The following NEK1 variants were observed in gnomAD, a reference collection of about 807,000 sequenced individuals.
NEK1 encodes the protein NIMA related kinase 1, also known as serine/threonine-protein kinase Nek1.
In NEK1, 137 loss-of-function variants were observed where a neutral mutation model predicts 182.1. The ratio of observed to expected loss-of-function variants is 0.75; its 90% confidence interval spans 0.65 to 0.87. The LOEUF (loss-of-function observed/expected upper bound fraction) is 0.87, where lower values mean the gene tolerates loss of function less well. NEK1 is among the 40% of genes least tolerant of loss of function. The probability of loss-of-function intolerance (pLI) is 0.00; values close to 1 mark genes in which losing one functional copy is unlikely to be tolerated. For synonymous variants in NEK1, 513 were observed against 492.2 expected, an observed-to-expected ratio of 1.04 and a Z score of -0.56; for missense variants, 1,391 against 1,494.4, an observed-to-expected ratio of 0.93 and a Z score of 1.14.
intron 31 of NEK1, among the ~76,000 whole-genome samples, chr4:169,417,001 T>C (rs1003301413): frequency 6.6e-6 from 1 of 151,970 alleles, no homozygotes; most frequent in African/African-American, 2.4e-5. Flanking sequence ...TATATTAGAG[T>C]TTCCTGTATG....
At chr4:169,497,172 A>AT (rs1751481461) in intron 23 of NEK1, among the ~76,000 whole-genome samples, 1 of 151,940 alleles carries the variant, frequency 6.6e-6, no homozygotes, top group Non-Finnish European at 1.5e-5. Flanking sequence ...TTTCTTCTAG[A>AT]TTTTCTAGTT....
At chr4:169,602,489 G>A in intron 3 of NEK1, 25 bp downstream of exon 3, 2 of 1,267,678 alleles carry the variant, frequency 1.6e-6, no homozygotes, top group South Asian at 2.5e-5. Flanking sequence ...CATTACTCAT[G>A]AAACCAAACT....
At chr4:169,567,519 G>A (rs974936111) in intron 12 of NEK1, among the ~76,000 whole-genome samples, 2 of 151,932 alleles carry the variant, frequency 1.3e-5, no homozygotes, top group Non-Finnish European at 2.9e-5. Context: ...TTCTGCCTCA[G>A]TCTCAAAAGT....
intron 26 of NEK1, among the ~76,000 whole-genome samples, chr4:169,469,008 CTTCT>C (rs952451203): frequency 2.0e-5 from 3 of 151,794 alleles, no homozygotes; most frequent in African/African-American, 7.2e-5. Context: ...TTCTTCTTTT[CTTCT>C]TTATTAGTCT....
chr4:169,426,072 C>A, intron 30 of NEK1, 74 bp downstream of exon 30: 1 of 1,081,664 alleles, frequency 9.2e-7, no homozygotes, highest in Non-Finnish European at 1.4e-6. Context: ...ATATATTACC[C>A]AAATAAAACA....
chr4:169,508,768 C>A lies in NEK1; in HGVS notation c.1749+1G>T, dbSNP rs1444140675. On this transcript the variant is annotated splice_donor_variant, in intron 20 of 35. Transcript: ENST00000507142. LOFTEE classifies it high-confidence loss of function. Reference sequence around the variant, plus strand: ...AGGTAGCGAACATGCGGGAAGCATACCTCTTCCTCTTTGTTTCTTGGCTTC... The same window carrying A: ...AGGTAGCGAACATGCGGGAAGCATAACTCTTCCTCTTTGTTTCTTGGCTTC... 1 of 1,571,678 alleles carries A rather than the reference C, an allele frequency of 6.4e-7. No individual in the cohort carries two copies. Among genetic ancestry groups the A allele is most frequent in the East Asian group, 2.3e-5 (1 of 44,236 alleles).
chr4:169,402,618 C>A (rs1024362979), intron 32 of NEK1, among the ~76,000 whole-genome samples: 4 of 152,042 alleles, frequency 2.6e-5, no homozygotes, highest in African/African-American at 9.7e-5. Flanking sequence ...CAAATAATAC[C>A]TTACATTTAT....
intron 18 of NEK1, among the ~76,000 whole-genome samples, chr4:169,541,678 C>A (rs1328546212): frequency 6.6e-6 from 1 of 152,090 alleles, no homozygotes; most frequent in African/African-American, 2.4e-5. Context: ...AGAAAATGTC[C>A]TATAATGCCA....
chr4:169,532,342 G>A (rs1757805393), intron 19 of NEK1, among the ~76,000 whole-genome samples: 1 of 152,126 alleles, frequency 6.6e-6, no homozygotes, highest in African/African-American at 2.4e-5. Context: ...GCACTTAAAA[G>A]TAGCTCCTCT....
chr4:169,585,174 G>A (rs1011686841), intron 10 of NEK1, among the ~76,000 whole-genome samples, 175 bp downstream of exon 10: 3 of 152,092 alleles, frequency 2.0e-5, no homozygotes, highest in Admixed American at 1.3e-4. Flanking sequence ...GCACAACAGA[G>A]CAATACTCTG....
At chr4:169,436,142 G>A (rs543849425) in intron 28 of NEK1, among the ~76,000 whole-genome samples, 2 of 152,308 alleles carry the variant, frequency 1.3e-5, no homozygotes. Context: ...GGGCTCAAGC[G>A]ATATGCCAGC....
chr4:169,575,688 G>A (rs1432243184), intron 12 of NEK1, among the ~76,000 whole-genome samples: 4 of 152,150 alleles, frequency 2.6e-5, no homozygotes, highest in Admixed American at 1.3e-4. Context: ...AGGCAGTTTC[G>A]CAGGGAGTTT....
chr4:169,444,198 GAAAGA>G (rs555492983), intron 27 of NEK1, among the ~76,000 whole-genome samples: 152 of 152,030 alleles, frequency 1.0e-3, no homozygotes, highest in African/African-American at 3.2e-3. Flanking sequence ...CAATAAAAGA[GAAAGA>G]AAAGAACAAC....
intron 19 of NEK1, 41 bp from the exon 20 acceptor site, chr4:169,508,893 G>C: frequency 4.1e-6 from 6 of 1,460,142 alleles, no homozygotes; most frequent in Non-Finnish European, 5.6e-6. Context: ...GAATGACTAA[G>C]GCTACATTAT....
Position 169,463,237 on chromosome 4 carries a change from C to G in NEK1, c.2587+6G>C. 6.7e-7 allele frequency: 1 copy of G among 1,485,702 alleles called. No homozygotes were observed. Among genetic ancestry groups the G allele is most frequent in the Non-Finnish European group, 9.0e-7 (1 of 1,113,318 alleles). The allele number at this position is 1,485,702 out of a possible 1,614,324, so 92.0% of individuals were successfully genotyped here. ...TAGTATAGAAAAACTACCAGTTTCT[C>G]CTTACCACTTCTAATAGTTGTATTT... On this transcript the variant is annotated splice_donor_region_variant and intron_variant, in intron 27 of 35. Transcript: ENST00000507142.
intron 19 of NEK1, among the ~76,000 whole-genome samples, chr4:169,511,233 C>T (rs1287541408): frequency 6.6e-6 from 1 of 152,100 alleles, no homozygotes; most frequent in African/African-American, 2.4e-5. Context: ...TCAGTTTCCT[C>T]CCCTCTTCAA....
At chr4:169,491,243 C>T (rs560905881) in intron 23 of NEK1, among the ~76,000 whole-genome samples, 2 of 150,044 alleles carry the variant, frequency 1.3e-5, no homozygotes, top group South Asian at 4.2e-4. Flanking sequence ...GTGATATGGT[C>T]ATCCATATCT....
At chr4:169,526,367 T>C (rs949641633) in intron 19 of NEK1, among the ~76,000 whole-genome samples, 1 of 152,084 alleles carries the variant, frequency 6.6e-6, no homozygotes, top group Non-Finnish European at 1.5e-5. Context: ...CAAGCACCTA[T>C]AGACCCAGCT....
intron 26 of NEK1, among the ~76,000 whole-genome samples, chr4:169,474,300 A>G (rs1378195416): frequency 6.6e-6 from 1 of 152,322 alleles, no homozygotes; most frequent in East Asian, 1.9e-4. Context: ...TCTAGTTGCA[A>G]TGAAAACCAA....
Sources: allele counts gnomAD v4.1 joint callset (sites outside exome capture counted in the v4.1 genomes callset), GRCh38; gene constraint gnomAD v4.1.1; transcripts MANE v1.5; gene names NCBI Gene and HGNC (gene_info 2026-07-23, HGNC 2026-07-21).